FAT2: variants seen among roughly 807,000 people sequenced by gnomAD.
The protein encoded by FAT2 is FAT atypical cadherin 2.
Under a neutral mutation model 295.3 loss-of-function variants are expected in FAT2, and 150 were observed. That is an observed-to-expected ratio of 0.51 (90% confidence interval 0.44 to 0.58). The LOEUF is 0.58. Among genes scored for constraint, FAT2 ranks in the 20% least tolerant of loss-of-function variants. The pLI is 0.00. For synonymous variants in FAT2, 2,026 were observed against 2,150.3 expected, an observed-to-expected ratio of 0.94 and a Z score of 1.60; for missense variants, 4,868 against 5,442.7, an observed-to-expected ratio of 0.89 and a Z score of 3.32.
At chr5:151,509,889 A>T (rs1761186074) in intron 22 of FAT2, 132 bp downstream of exon 22, 2 of 1,061,152 alleles carry the variant, frequency 1.9e-6, no homozygotes, top group Middle Eastern at 3.3e-4. Context: ...CTGCCCTAAC[A>T]GATGGAAAAG....
chr5:151,518,896 C>T (rs1486267572), intron 19 of FAT2, among the ~76,000 whole-genome samples: 1 of 152,180 alleles, frequency 6.6e-6, no homozygotes, highest in Non-Finnish European at 1.5e-5. Flanking sequence ...ATCCCCAAAA[C>T]CCCAGTGTAA....
In FAT2 at chr5:151,531,515, A is replaced by G; in HGVS notation, c.9811+72T>C. 10 of 1,585,618 alleles carry G rather than the reference A, an allele frequency of 6.3e-6. No homozygotes were observed. The highest frequency in any genetic ancestry group is 8.6e-6 in the Non-Finnish European group (10 of 1,164,176). Reference sequence around the variant, plus strand: ...GGCGCTGCACAGGGTAGATACCCACACAGGGGAGGAACCCAGCGCTCCCAG... The same window carrying G: ...GGCGCTGCACAGGGTAGATACCCACGCAGGGGAGGAACCCAGCGCTCCCAG... On this transcript the variant is annotated intron_variant, in intron 14 of 23. Transcript: ENST00000261800. This position sits in a 1 kb window ranked among gnomAD's most constrained non-coding sequence, Gnocchi z 5.7.
chr5:151,569,339 G>A (rs1758433119), intron 1 of FAT2, among the ~76,000 whole-genome samples: 1 of 152,206 alleles, frequency 6.6e-6, no homozygotes, highest in Non-Finnish European at 1.5e-5. Flanking sequence ...GCAGGCAAGA[G>A]CGCGTAGGCA....
chr5:151,531,737 T>C lies in FAT2; in HGVS notation c.9661A>G (p.Thr3221Ala). 1 of 1,613,578 alleles carries C rather than the reference T, an allele frequency of 6.2e-7. No homozygotes were observed. Among genetic ancestry groups the C allele is most frequent in the Non-Finnish European group, 8.5e-7 (1 of 1,179,934 alleles). The change falls in exon 14 of 24, where the codon ACC becomes GCC. Residue 3221 changes from threonine (T) to alanine (A), a missense_variant. Thr to Ala is a moderately conservative substitution (Grantham distance 58, BLOSUM62 0). This residue lies in a region of FAT2 where 1,046 missense variants were observed against 1,210.1 expected (regional missense o/e 0.86). Transcript: ENST00000261800. The surrounding 1 kb of genome is among the most constrained non-coding windows in gnomAD (Gnocchi z 5.7). ...LEDYLPVFLN[T>A]EHSVQVPEDA... ...TCGGGCACCTGCACGCTGTGCTCGG[T>C]GTTCAGGAACACGGGCAGGTAGTCT...
chr5:151,575,166 A>G (rs1758697430), intron 1 of FAT2, among the ~76,000 whole-genome samples: 2 of 152,234 alleles, frequency 1.3e-5, no homozygotes. Context: ...GAAATGACTA[A>G]AAAGGAAATC....
chr5:151,512,506 A>ATGGAG lies in FAT2; in HGVS notation c.11559_11563dup (p.Ile3855ThrfsTer14). 1 of 1,614,198 alleles carries ATGGAG rather than the reference A, an allele frequency of 6.2e-7. No individual in the cohort carries two copies. The highest frequency in any genetic ancestry group is 8.5e-7 in the Non-Finnish European group (1 of 1,180,024). Reference sequence around the variant, plus strand: ...GGAAGCGTCCATCTCCTCCACCAGGATGGAGTGCCACTCGTGGTCATTCAC... The same window carrying ATGGAG: ...GGAAGCGTCCATCTCCTCCACCAGGATGGAGTGGAGTGCCACTCGTGGTCATTCAC... On this transcript the variant is annotated frameshift_variant, in exon 21 of 24. Coordinates refer to ENST00000261800, the MANE Select transcript of FAT2 (RefSeq NM_001447.3). LOFTEE classifies it high-confidence loss of function. The surrounding 1 kb of genome is among the most constrained non-coding windows in gnomAD (Gnocchi z 4.1).
intron 12 of FAT2, among the ~76,000 whole-genome samples, chr5:151,535,345 C>G (rs1755150539): frequency 1.3e-5 from 2 of 152,044 alleles, no homozygotes; most frequent in South Asian, 4.1e-4. Flanking sequence ...ATCTTTCCCC[C>G]CTTTTCTAAT....
chr5:151,571,088 G>A (rs1349733280), intron 1 of FAT2, among the ~76,000 whole-genome samples: 2 of 152,026 alleles, frequency 1.3e-5, no homozygotes, highest in African/African-American at 4.8e-5. Context: ...TTCTTCATTC[G>A]AGGTCTGAAA....
chr5:151,588,251 G>T (rs921843476), intron 1 of FAT2, among the ~76,000 whole-genome samples: 1 of 152,204 alleles, frequency 6.6e-6, no homozygotes, highest in Non-Finnish European at 1.5e-5. Flanking sequence ...ATCCCACATT[G>T]CCTCTGGAGG....
intron 11 of FAT2, 113 bp from the exon 12 acceptor site, chr5:151,538,059 G>A (rs1395759356): frequency 3.6e-6 from 3 of 843,720 alleles, no homozygotes; most frequent in East Asian, 2.6e-5. Context: ...CACTAAGAGG[G>A]CAGAGACGAA....
intron 12 of FAT2, among the ~76,000 whole-genome samples, chr5:151,536,371 G>A (rs532575172): frequency 6.6e-6 from 1 of 152,246 alleles, no homozygotes; most frequent in East Asian, 1.9e-4. Flanking sequence ...TACCCAGACA[G>A]CTTCCTGCGA....
At chr5:151,556,251 CCCT>C (rs1757682340) in intron 4 of FAT2, 90 bp downstream of exon 4, 1 of 1,056,744 alleles carries the variant, frequency 9.5e-7, no homozygotes, top group South Asian at 1.3e-5. Flanking sequence ...TGAACCCAGA[CCCT>C]CCTCAGCCAC....
Position 151,543,961 on chromosome 5 carries a change from C to A in FAT2, c.7166G>T (p.Ser2389Ile), listed in dbSNP as rs1756394146. The A allele has an allele frequency of 6.2e-7, 1 of 1,614,138 alleles. No individual in the cohort carries two copies. Among genetic ancestry groups the A allele is most frequent in the South Asian group, 1.1e-5 (1 of 91,072 alleles). The change falls in exon 10 of 24, where the codon AGT becomes ATT. Residue 2389 changes from serine (S) to isoleucine (I), a missense_variant. Physicochemically the swap from Ser to Ile is moderately radical, Grantham distance 142 (BLOSUM62 -2). Around this residue, in one of 5 missense-constraint regions of FAT2, gnomAD observed 3,297 missense variants for 3,669.4 expected, o/e 0.90. Transcript: ENST00000261800. The part of the protein sequence containing the change: ...FRQPQYEANV[S>I]ELATCGHLVL... ...CAGGTGTCCACAGGTTGCCAGTTCA[C>A]TGACATTGGCTTCATATTGAGGTTG...
In FAT2 at chr5:151,542,432, C is replaced by T. The variant is rs201309303; in HGVS notation, c.8695G>A (p.Glu2899Lys). ...GCAAATCGGGGAGCATTGTCATTCT[C>T]ATCTGTAATGGAGACCTGAACCAGG... ...QALVQVSITD[E>K]NDNAPRFASE... The change falls in exon 10 of 24, where the codon GAG (glutamate) becomes AAG (lysine). Residue 2899 changes from glutamate (E) to lysine (K), a missense_variant. Around this residue, in one of 5 missense-constraint regions of FAT2, gnomAD observed 3,297 missense variants for 3,669.4 expected, o/e 0.90. Transcript: ENST00000261800. 28 of 1,614,206 alleles carry T rather than the reference C, an allele frequency of 1.7e-5. No homozygotes were observed. In the Admixed American group the frequency reaches 1.8e-4, roughly 11 times the overall value.
intron 14 of FAT2, among the ~76,000 whole-genome samples, chr5:151,530,065 C>CA (rs1302695752): frequency 6.6e-6 from 1 of 151,998 alleles, no homozygotes; most frequent in Non-Finnish European, 1.5e-5. Context: ...AGAAAATCAC[C>CA]ATTTTACAGC....
At chr5:151,564,205 A>G (rs955517902) in intron 2 of FAT2, among the ~76,000 whole-genome samples, 1 of 152,200 alleles carries the variant, frequency 6.6e-6, no homozygotes, top group African/African-American at 2.4e-5. Flanking sequence ...TCCAAGAATG[A>G]GTAAAAGAAG....
rs767637961 is a variant in FAT2 at position 151,544,473 on chromosome 5, A to C, written c.6654T>G (p.Thr2218=). The change falls in exon 10 of 24, where the codon ACT becomes ACG. Residue 2218 remains threonine (T), a synonymous_variant. Coordinates refer to ENST00000261800, the MANE Select transcript of FAT2 (RefSeq NM_001447.3). ...VEEEPLMLFT[T]DFKTGVLTVT... is the part of the protein sequence containing the mutation. ...CTGTTAGGACACCAGTCTTGAAGTC[A>C]GTGGTGAACAGCATCAAGGGTTCTT... The C allele has an allele frequency of 6.2e-7, 1 of 1,614,150 alleles. No individual in the cohort carries two copies. The highest frequency in any genetic ancestry group is 2.2e-5 in the East Asian group (1 of 44,878).
rs1360781515 is a variant in FAT2, at chr5:151,507,885, T to G, written c.12060-274A>C. 7.9e-5 allele frequency among the ~76,000 whole-genome samples: 12 copies of G among 152,256 alleles called. No homozygotes were observed. In the South Asian group the frequency reaches 2.5e-3, roughly 32 times the overall value. ...AATGAGATCTAGGCACTGTATACAC[T>G]CTCTATCATGAGGTCGGATTTCCTC... On this transcript the variant is annotated intron_variant, in intron 22 of 23. Coordinates refer to ENST00000261800, the MANE Select transcript of FAT2 (RefSeq NM_001447.3).
Position 151,522,000 on chromosome 5 carries a change from A to G in FAT2, c.10593T>C (p.Ala3531=), listed in dbSNP as rs1753511738. 3 of 1,614,066 alleles carry G rather than the reference A, an allele frequency of 1.9e-6. No individual in the cohort carries two copies. Among genetic ancestry groups the G allele is most frequent in the African/African-American group, 1.3e-5 (1 of 75,006 alleles). ...CAGTGATGAAGATCTCCAGTGGGAG[A>G]GCAGAAGGTGCATAGTGGCTCTGCT... The part of the protein sequence containing the change: ...VTEQSHYAPS[A]LPLEIFITVG... The change falls in exon 19 of 24, where the codon GCT becomes GCC. Residue 3531 remains alanine (A), a synonymous_variant. Transcript: ENST00000261800.
Sources: gnomAD v4.1 joint callset for allele counts (sites outside exome capture counted in the v4.1 genomes callset) on GRCh38, gnomAD v4.1.1 for gene constraint, gnomAD v4.1.1 regional missense constraint, Gnocchi (gnomAD v3.1) non-coding constraint, MANE v1.5 for transcripts, NCBI Gene and HGNC (gene_info 2026-07-23, HGNC 2026-07-21) for gene names.